PFDN1: variants seen among roughly 807,000 people sequenced by gnomAD.
PFDN1 encodes prefoldin subunit 1.
A neutral mutation model predicts 17.3 loss-of-function variants in PFDN1; 6 were observed. The observed-to-expected ratio is 0.35, with a 90% CI of 0.19 to 0.69. The LOEUF is 0.69. Among genes scored for constraint, PFDN1 ranks in the 30% least tolerant of loss-of-function variants. The pLI, the probability that PFDN1 is intolerant of heterozygous loss-of-function variation, is 0.65. For missense variants in PFDN1, 113 were observed against 146.2 expected (o/e 0.77, Z 1.17); for synonymous variants, 58 against 50.1 (o/e 1.16, Z -0.67).
At position 140,245,749 on chromosome 5, in the gene PFDN1, C is replaced by A. The variant is rs112538595; in HGVS notation, c.*225G>T. ...CCTCTCCTGGGAGTTCATCACACAT[C>A]CCGAGAGGGAAGAGTGTCCTGGGCA... is the stretch of plus-strand genomic sequence containing the variant. On this transcript the variant is annotated 3_prime_UTR_variant, in exon 4 of 4. Transcript: ENST00000261813. The A allele has an allele frequency of 3.9e-3, 2,400 of 611,140 alleles. 52 individuals are homozygous for A. The African/African-American group carries it at 0.04, about 10-fold the overall frequency. 37.9% of individuals were successfully genotyped at this position (611,140 alleles called of 1,614,324 possible). A position where few individuals can be genotyped will look rare whatever the true frequency, so the allele number is the denominator to read the frequency against.
rs766972317 is a variant in PFDN1 at position 140,254,097 on chromosome 5, TACA to T, written c.286-8043_286-8041del. Among the ~76,000 whole-genome samples, 12 of 152,212 alleles carry T rather than the reference TACA, an allele frequency of 7.9e-5. No individual in the cohort carries two copies. Among genetic ancestry groups the T allele is most frequent in the Non-Finnish European group, 1.6e-4 (11 of 68,040 alleles). ...GCTTTCACTGTGGGGTTATCTCTGT[TACA>T]ACTACTCAGCTCTGCCATTGTAGCA... On this transcript the variant is annotated intron_variant, in intron 3 of 3. Transcript: ENST00000261813. This position sits in a 1 kb window ranked among gnomAD's most constrained non-coding sequence, Gnocchi z 4.4.
chr5:140,245,509 G>T lies in PFDN1; in HGVS notation c.*465C>A, dbSNP rs1223411654. 1 of 702,636 alleles carries T rather than the reference G, an allele frequency of 1.4e-6. No individual in the cohort carries two copies. Among genetic ancestry groups the T allele is most frequent in the Admixed American group, 2.0e-5 (1 of 50,024 alleles). 43.5% of individuals were successfully genotyped at this position (702,636 alleles called of 1,614,324 possible). A position where few individuals can be genotyped will look rare whatever the true frequency, so the allele number is the denominator to read the frequency against. ...GGTACAGGAAGGGAAAAGAGAAGAG[G>T]GCAAGGCCCATCCCCCAAGAAAGGA... On this transcript the variant is annotated 3_prime_UTR_variant, in exon 4 of 4. Transcript: ENST00000261813.
At chr5:140,263,185 G>C (rs780509213) in intron 3 of PFDN1, among the ~76,000 whole-genome samples, 3 of 152,238 alleles carry the variant, frequency 2.0e-5, no homozygotes, top group Non-Finnish European at 4.4e-5. Flanking sequence ...GAAGAACAAA[G>C]GGGCTCGGCC....
intron 2 of PFDN1, among the ~76,000 whole-genome samples, chr5:140,288,907 C>T (rs963780676): frequency 4.6e-5 from 7 of 152,004 alleles, no homozygotes; most frequent in Non-Finnish European, 1.0e-4. Context: ...ATTGCTTGAA[C>T]CCAGAAGGCG....
chr5:140,258,808 T>C (rs1317609357), intron 3 of PFDN1, among the ~76,000 whole-genome samples: 3 of 152,164 alleles, frequency 2.0e-5, no homozygotes, highest in African/African-American at 7.2e-5. Flanking sequence ...GAGCTTCGTT[T>C]TGGGTTTAAG....
chr5:140,256,639 T>A (rs1319015423), intron 3 of PFDN1, among the ~76,000 whole-genome samples: 10 of 58,134 alleles, frequency 1.7e-4, no homozygotes, highest in Admixed American at 2.4e-4. Flanking sequence ...AACTGCTCAA[T>A]GTAAAAAACA....
intron 2 of PFDN1, among the ~76,000 whole-genome samples, chr5:140,297,624 C>T (rs1355019434): frequency 1.3e-5 from 2 of 152,074 alleles, no homozygotes; most frequent in Non-Finnish European, 2.9e-5. Flanking sequence ...TTTTAAGAAA[C>T]GTAATTTATA....
intron 3 of PFDN1, among the ~76,000 whole-genome samples, chr5:140,247,430 G>C (rs1409581608): frequency 6.6e-6 from 1 of 151,980 alleles, no homozygotes; most frequent in Non-Finnish European, 1.5e-5. Context: ...GTGAGCCACC[G>C]CGCTTAGCTA....
intron 3 of PFDN1, among the ~76,000 whole-genome samples, chr5:140,276,650 C>T (rs576526021): frequency 6.6e-6 from 1 of 151,658 alleles, no homozygotes; most frequent in Non-Finnish European, 1.5e-5. Context: ...CGTGGTGGCA[C>T]ACACCTGTAA....
intron 3 of PFDN1, chr5:140,281,233 T>C: frequency 2.5e-6 from 1 of 404,144 alleles, no homozygotes; most frequent in East Asian, 4.6e-5. Context: ...CAAAATTCTC[T>C]GCAGTTCCAA....
intron 1 of PFDN1, among the ~76,000 whole-genome samples, chr5:140,301,751 G>A (rs2337137): frequency 0.13 from 19,426 of 152,144 alleles, 1,621 homozygotes; most frequent in South Asian, 0.26. Context: ...CAAAAGTACC[G>A]GGAGGCAAAT....
intron 3 of PFDN1, chr5:140,281,150 G>T (rs775310387): frequency 9.0e-6 from 2 of 221,984 alleles, no homozygotes; most frequent in African/African-American, 2.3e-5. Flanking sequence ...TTTGTTTATG[G>T]TTTTGTTTTT....
At chr5:140,264,548 C>G (rs1765109502) in intron 3 of PFDN1, among the ~76,000 whole-genome samples, 1 of 152,014 alleles carries the variant, frequency 6.6e-6, no homozygotes, top group Non-Finnish European at 1.5e-5. Flanking sequence ...ATTTGAATCT[C>G]ACAGAGGGGA....
intron 3 of PFDN1, among the ~76,000 whole-genome samples, chr5:140,277,192 C>T (rs1159972402): frequency 6.7e-6 from 1 of 150,110 alleles, no homozygotes; most frequent in African/African-American, 2.5e-5. Flanking sequence ...TGCCATTGCA[C>T]TACAGCCTGG....
At chr5:140,291,999 C>G (rs1398238408) in intron 2 of PFDN1, among the ~76,000 whole-genome samples, 1 of 152,148 alleles carries the variant, frequency 6.6e-6, no homozygotes, top group Non-Finnish European at 1.5e-5. Context: ...TCAATTTTTA[C>G]TAATTAAAAA....
rs377128367 is a variant in PFDN1 at position 140,300,526 on chromosome 5, T to C, written c.90A>G (p.Ala30=). 3 of 1,613,220 alleles carry C rather than the reference T, an allele frequency of 1.9e-6. No homozygotes were observed. Among genetic ancestry groups the C allele is most frequent in the Non-Finnish European group, 2.5e-6 (3 of 1,179,476 alleles). Residue 30 remains alanine (A), a synonymous_variant, in exon 2 of 4, where the codon GCA becomes GCG. Transcript: ENST00000261813. ...TGTTTAGCTGTTCAATCTGTATGTC[T>C]GCGAGCTTCACCTTCTGTTGAGTGT... ...VIDTQQKVKL[A]DIQIEQLNRT...
chr5:140,257,772 C>T (rs191890388), intron 3 of PFDN1, among the ~76,000 whole-genome samples: 24 of 152,290 alleles, frequency 1.6e-4, no homozygotes, highest in African/African-American at 5.5e-4. Flanking sequence ...AGTAGAGAAG[C>T]GAACAAAGCA....
chr5:140,261,506 G>A (rs756224691), intron 3 of PFDN1, among the ~76,000 whole-genome samples: 1 of 152,048 alleles, frequency 6.6e-6, no homozygotes, highest in African/African-American at 2.4e-5. Flanking sequence ...TACGGCAACC[G>A]GAAACCCATA....
intron 3 of PFDN1, among the ~76,000 whole-genome samples, chr5:140,274,935 G>A (rs2126688421): frequency 6.7e-6 from 1 of 150,252 alleles, no homozygotes; most frequent in Non-Finnish European, 1.5e-5. Flanking sequence ...GGAGATTGCA[G>A]TGAGCCGAGA....
Sources: allele counts gnomAD v4.1 joint callset (sites outside exome capture counted in the v4.1 genomes callset), GRCh38; gene constraint gnomAD v4.1.1; non-coding constraint Gnocchi (gnomAD v3.1); transcripts MANE v1.5; gene names NCBI Gene and HGNC (gene_info 2026-07-23, HGNC 2026-07-21).